Variants in MSRA observed in about 807,000 individuals in gnomAD.
MSRA encodes methionine sulfoxide reductase A.
MSRA carries 54 observed loss-of-function variants against 31.3 expected under a neutral mutation model. The observed-to-expected ratio is 1.73, with a 90% confidence interval of 1.39 to 2.17. The LOEUF is 2.17. MSRA is among the 30% of genes most tolerant of loss of function. MSRA has a pLI of 0.00. For missense variants in MSRA, 507 were observed against 300.9 expected (o/e 1.69, Z -5.07); for synonymous variants, 169 against 116.5 (o/e 1.45, Z -2.90).
intron 5 of MSRA, among the ~76,000 whole-genome samples, chr8:10,339,539 T>TC: frequency 2.0e-5 from 1 of 49,952 alleles, no homozygotes; most frequent in African/African-American, 6.4e-5. Flanking sequence ...TTCTTTTTTT[T>TC]TTTTTTTTTT....
chr8:10,110,711 G>T (rs1403876834), intron 1 of MSRA, among the ~76,000 whole-genome samples: 2 of 152,204 alleles, frequency 1.3e-5, no homozygotes, highest in East Asian at 1.9e-4. Flanking sequence ...CAGGCTGGCT[G>T]ACCTGTGCTG....
At chr8:10,295,535 G>T (rs991134806) in intron 3 of MSRA, among the ~76,000 whole-genome samples, 3 of 152,176 alleles carry the variant, frequency 2.0e-5, no homozygotes, top group Non-Finnish European at 4.4e-5. Context: ...AGCTGCTCTT[G>T]GTTCTGACGG....
rs760027897 is a variant in MSRA, at chr8:10,333,816, C to G, written c.543+13827C>G. ...ACGTTTCTTCTCCACCCCACCCCCCCCACGCTGAGTGGGACCTTCCCTTGC... is the reference window on the plus strand; with the variant it reads ...ACGTTTCTTCTCCACCCCACCCCCCGCACGCTGAGTGGGACCTTCCCTTGC... On this transcript the variant is annotated intron_variant, in intron 5 of 5. Coordinates refer to ENST00000317173, the MANE Select transcript of MSRA (RefSeq NM_012331.5). Among the ~76,000 whole-genome samples, 10 of 152,096 alleles carry G rather than the reference C, an allele frequency of 6.6e-5. 1 individual carries two copies. Among genetic ancestry groups the G allele is most frequent in the Non-Finnish European group, 8.8e-5 (6 of 68,032 alleles).
chr8:10,173,756 T>C (rs1805801717), intron 1 of MSRA, among the ~76,000 whole-genome samples: 1 of 152,230 alleles, frequency 6.6e-6, no homozygotes, highest in Non-Finnish European at 1.5e-5. Flanking sequence ...CTTGTCACTC[T>C]TTTGGTTTCT....
At chr8:10,346,351 C>G (rs1469028926) in intron 5 of MSRA, among the ~76,000 whole-genome samples, 1 of 152,152 alleles carries the variant, frequency 6.6e-6, no homozygotes, top group Non-Finnish European at 1.5e-5. Flanking sequence ...CTTATAAGGT[C>G]CTCTCTAACA....
chr8:10,212,133 G>A (rs11776499), intron 2 of MSRA, among the ~76,000 whole-genome samples: 24,374 of 151,754 alleles, frequency 0.16, 2,231 homozygotes, highest in Non-Finnish European at 0.2. Flanking sequence ...GTTGCAGTGA[G>A]CCGAGATCGC....
intron 3 of MSRA, among the ~76,000 whole-genome samples, chr8:10,300,404 C>T (rs977506287): frequency 6.6e-6 from 1 of 152,082 alleles, no homozygotes; most frequent in Non-Finnish European, 1.5e-5. Flanking sequence ...TACAGACACC[C>T]ACCACCACGC....
rs913979758 is a variant in MSRA, at chr8:10,266,536, G to C, written c.331+21313G>C. Among the ~76,000 whole-genome samples, 7 of 151,754 alleles carry C rather than the reference G, an allele frequency of 4.6e-5. No homozygotes were observed. The South Asian group carries it at 1.3e-3, about 27-fold the overall frequency. The stretch of plus-strand genomic sequence containing the variant: ...AATATTTTATCTGAGTCTGTGGCTT[G>C]TCTTAGCATTCTCTTAACAGTGTTT... On this transcript the variant is annotated intron_variant, in intron 3 of 5. Transcript: ENST00000317173.
chr8:10,330,134 C>A (rs916636336), intron 5 of MSRA, among the ~76,000 whole-genome samples: 2 of 144,358 alleles, frequency 1.4e-5, no homozygotes, highest in Non-Finnish European at 3.0e-5. Context: ...TTCTCTGATA[C>A]CAATTTTTAA....
At chr8:10,407,470 T>G (rs947862695) in intron 5 of MSRA, among the ~76,000 whole-genome samples, 1 of 152,184 alleles carries the variant, frequency 6.6e-6, no homozygotes, top group African/African-American at 2.4e-5. Flanking sequence ...AAGCTTTGCT[T>G]TACAATTAGG....
intron 1 of MSRA, among the ~76,000 whole-genome samples, chr8:10,197,984 G>C (rs972233260): frequency 6.6e-6 from 1 of 152,198 alleles, no homozygotes; most frequent in South Asian, 2.1e-4. Context: ...ATGGAAGAGA[G>C]GGTGACTGCT....
At chr8:10,072,471 C>A (rs1028913331) in intron 1 of MSRA, among the ~76,000 whole-genome samples, 4 of 152,128 alleles carry the variant, frequency 2.6e-5, no homozygotes, top group Admixed American at 2.0e-4. Context: ...CTATGGGTCT[C>A]CCTCTGTGAC....
Position 10,283,129 on chromosome 8 carries a change from TACAC to T in MSRA, c.332-18376_332-18373del, listed in dbSNP as rs66507479. On this transcript the variant is annotated intron_variant, in intron 3 of 5. Transcript: ENST00000317173. Reference sequence around the variant, plus strand: ...CACATCATATTGCATATATTCACATTACACACACACACACACACACACACACACA... The same window carrying T: ...CACATCATATTGCATATATTCACATTACACACACACACACACACACACACA... 3.7e-3 allele frequency among the ~76,000 whole-genome samples: 509 copies of T among 138,538 alleles called. 2 individuals are homozygous for T. Among genetic ancestry groups the T allele is most frequent in the East Asian group, 0.017 (81 of 4,868 alleles). 90.9% of individuals were successfully genotyped at this position (138,538 alleles called of 152,430 possible).
At chr8:10,198,763 A>C (rs1473948822) in intron 1 of MSRA, among the ~76,000 whole-genome samples, 1 of 152,194 alleles carries the variant, frequency 6.6e-6, no homozygotes, top group Non-Finnish European at 1.5e-5. Context: ...AGCTGGGACC[A>C]CAGGTGCACA....
intron 1 of MSRA, among the ~76,000 whole-genome samples, chr8:10,200,684 CAT>C (rs1200373224): frequency 1.3e-5 from 2 of 152,294 alleles, no homozygotes; most frequent in East Asian, 3.9e-4. Context: ...CCTCTCCTGA[CAT>C]ATAGAACATG....
intron 1 of MSRA, among the ~76,000 whole-genome samples, chr8:10,127,240 A>G (rs1029884566): frequency 6.6e-6 from 1 of 152,132 alleles, no homozygotes; most frequent in Admixed American, 6.5e-5. Context: ...AACGCTAAGC[A>G]TGTGGGAGTT....
chr8:10,323,700 G>T (rs935955237), intron 5 of MSRA, among the ~76,000 whole-genome samples: 5 of 151,426 alleles, frequency 3.3e-5, no homozygotes, highest in Admixed American at 3.3e-4. Flanking sequence ...GTGCTGACCA[G>T]ATGTTTTCTG....
intron 5 of MSRA, among the ~76,000 whole-genome samples, chr8:10,390,376 G>A (rs1806664936): frequency 1.3e-5 from 2 of 152,128 alleles, no homozygotes; most frequent in South Asian, 2.1e-4. Context: ...GAGTCGCGTG[G>A]TCGCCAGTTG....
chr8:10,263,797 A>G (rs1798603641), intron 3 of MSRA, among the ~76,000 whole-genome samples: 1 of 152,220 alleles, frequency 6.6e-6, no homozygotes, highest in Admixed American at 6.5e-5. Context: ...AGATCTTCAC[A>G]GTGTGATTTC....
Sources: gnomAD v4.1 joint callset for allele counts (sites outside exome capture counted in the v4.1 genomes callset) on GRCh38, gnomAD v4.1.1 for gene constraint, MANE v1.5 for transcripts, NCBI Gene and HGNC (gene_info 2026-07-23, HGNC 2026-07-21) for gene names.